The following ZMYM2 variants were observed in gnomAD, a reference collection of about 807,000 sequenced individuals.
The protein encoded by ZMYM2 is zinc finger MYM-type containing 2.
A neutral mutation model predicts 162.8 loss-of-function variants in ZMYM2; 56 were observed. The observed-to-expected ratio is 0.34, with a 90% CI of 0.28 to 0.43. The LOEUF (loss-of-function observed/expected upper bound fraction) is 0.43, where lower values mean the gene tolerates loss of function less well. Ranked by LOEUF, ZMYM2 falls within the 20% of genes least tolerant of loss-of-function variation. The pLI is 1.00. For synonymous variants in ZMYM2, 510 were observed against 541.6 expected (o/e 0.94, Z 0.81); for missense variants, 1,275 against 1,621.8 (o/e 0.79, Z 3.67).
Position 19,993,714 on chromosome 13 carries a change from T to G in ZMYM2, c.642T>G (p.Ile214Met). Reference sequence around the variant, plus strand: ...ACGGGCGAGATATGAACTTAATGATTACACATGTAACATCACTGCAGAATA... The same window carrying G: ...ACGGGCGAGATATGAACTTAATGATGACACATGTAACATCACTGCAGAATA... Reference protein sequence around the residue: ...NTDGRDMNLMITHVTSLQNTN... With the variant: ...NTDGRDMNLMMTHVTSLQNTN... Residue 214 changes from isoleucine (I) to methionine (M), a missense_variant, in exon 3 of 25, where the codon ATT (isoleucine) becomes ATG (methionine). Transcript: ENST00000610343. The G allele has an allele frequency of 6.2e-7, 1 of 1,614,000 alleles. No individual in the cohort carries two copies. Among genetic ancestry groups the G allele is most frequent in the Non-Finnish European group, 8.5e-7 (1 of 1,179,872 alleles).
At chr13:19,883,640 C>G in the ZMYM2 span, among the ~76,000 whole-genome samples, 1 of 152,066 alleles carries the variant, frequency 6.6e-6, no homozygotes, top group Admixed American at 6.5e-5. Flanking sequence ...TCCTTTTTGT[C>G]TTTTCAATTT....
At chr13:20,037,213 ATTTTTTTTT>A (rs754909177) in intron 12 of ZMYM2, among the ~76,000 whole-genome samples, 3 of 90,382 alleles carry the variant, frequency 3.3e-5, no homozygotes, top group African/African-American at 4.8e-5. Context: ...ACTAAGTAGA[ATTTTTTTTT>A]TTTTTTTTTT....
rs1217760575 is a variant in ZMYM2, at chr13:20,088,173, T to C, written c.*2159T>C. ...ATTGAGGATTTAGAGCTCTTGTCTT[T>C]GTCTTGATTGCAATCCAACGATAGA... On this transcript the variant is annotated 3_prime_UTR_variant, in exon 25 of 25. Transcript: ENST00000610343. 4.9e-6 allele frequency: 1 copy of C among 205,834 alleles called. No individual in the cohort carries two copies. Among genetic ancestry groups the C allele is most frequent in the Non-Finnish European group, 9.9e-6 (1 of 100,576 alleles). The allele number at this position is 205,834 out of a possible 1,614,324, so 12.8% of individuals were successfully genotyped here.
At chr13:19,992,974 T>A in intron 2 of ZMYM2, 89 bp from the exon 3 acceptor site, 1 of 1,388,414 alleles carries the variant, frequency 7.2e-7, no homozygotes, top group Non-Finnish European at 9.6e-7. Context: ...AAAAATAAAA[T>A]AAAAGTACCC....
chr13:19,948,037 A>T, the ZMYM2 span, among the ~76,000 whole-genome samples: 2 of 152,048 alleles, frequency 1.3e-5, no homozygotes, highest in African/African-American at 4.8e-5. Context: ...CATGATTATA[A>T]AGAAAACAAA....
intron 17 of ZMYM2, 144 bp downstream of exon 17, chr13:20,061,368 T>TACG: frequency 1.6e-6 from 1 of 644,208 alleles, no homozygotes; most frequent in South Asian, 3.1e-5. Context: ...GTTTTTTATA[T>TACG]TAAGAGATCT....
chr13:19,912,292 G>GTTTTTTTTTTTTTTTTTTTTTGGT, the ZMYM2 span, among the ~76,000 whole-genome samples: 2 of 75,712 alleles, frequency 2.6e-5, no homozygotes, highest in Admixed American at 1.6e-4. Flanking sequence ...TGTTTTTTGG[G>GTTTTTTTTTTTTTTTTTTTTTGGT]TTTTTTTTTT....
At chr13:19,949,939 AAG>A in the ZMYM2 span, among the ~76,000 whole-genome samples, 23 of 151,080 alleles carry the variant, frequency 1.5e-4, no homozygotes, top group East Asian at 2.9e-3. Flanking sequence ...GAGAGAAAAA[AAG>A]AAGGAAGAAA....
chr13:19,892,180 T>G, the ZMYM2 span, among the ~76,000 whole-genome samples: 2 of 151,972 alleles, frequency 1.3e-5, no homozygotes, highest in Non-Finnish European at 2.9e-5. Context: ...TGGGCTCAAG[T>G]GATCCTCCCA....
intron 12 of ZMYM2, among the ~76,000 whole-genome samples, chr13:20,039,275 C>G (rs1413559564): frequency 6.6e-6 from 1 of 152,028 alleles, no homozygotes; most frequent in African/African-American, 2.4e-5. Context: ...CTTTCTCTTT[C>G]GTGATTGCTC....
At chr13:19,987,020 G>A (rs1005647140) in intron 2 of ZMYM2, among the ~76,000 whole-genome samples, 20 of 144,440 alleles carry the variant, frequency 1.4e-4, no homozygotes, top group African/African-American at 3.8e-4. Context: ...CAGGAAAATT[G>A]CTTGAACCTG....
chr13:19,934,191 C>T, the ZMYM2 span, among the ~76,000 whole-genome samples: 101 of 152,108 alleles, frequency 6.6e-4, no homozygotes, highest in Non-Finnish European at 1.3e-3. Flanking sequence ...GACGTAGTCT[C>T]GATCTCTTGC....
chr13:19,935,786 A>G, the ZMYM2 span, among the ~76,000 whole-genome samples: 2 of 152,076 alleles, frequency 1.3e-5, no homozygotes, highest in African/African-American at 4.8e-5. Context: ...ATACAGAGTA[A>G]TATCCTGGGA....
At chr13:19,932,576 G>A in the ZMYM2 span, among the ~76,000 whole-genome samples, 15 of 152,016 alleles carry the variant, frequency 9.9e-5, no homozygotes, top group African/African-American at 3.1e-4. Context: ...AGCCTGGGAG[G>A]TGGAGGTTGC....
At position 20,005,082 on chromosome 13, in the gene ZMYM2, C is replaced by G; in HGVS notation, c.1142C>G (p.Thr381Ser). 6.2e-7 allele frequency: 1 copy of G among 1,602,914 alleles called. No homozygotes were observed. The highest frequency in any genetic ancestry group is 8.5e-7 in the Non-Finnish European group (1 of 1,176,520). Residue 381 changes from threonine (T) to serine (S), a missense_variant, in exon 5 of 25, where the codon ACT becomes AGT. By Grantham distance (58) the Thr-to-Ser change is moderately conservative. Transcript: ENST00000610343. ...TACCACTTATTTTTCAGAGATATAA[C>G]TACAATGAAAGGAACCATTGTTGCT... ...KLCVMCKKDI[T>S]TMKGTIVAQV...
At chr13:19,867,620 A>T in the ZMYM2 span, among the ~76,000 whole-genome samples, 2 of 152,062 alleles carry the variant, frequency 1.3e-5, no homozygotes, top group African/African-American at 4.8e-5. Flanking sequence ...CTCTAGAATC[A>T]GTAGGATGCT....
chr13:20,082,707 G>GA, intron 22 of ZMYM2, 74 bp from the exon 23 acceptor site: 2 of 1,258,730 alleles, frequency 1.6e-6, no homozygotes, highest in Non-Finnish European at 2.1e-6. Context: ...TAAATTAACT[G>GA]TGTCTGCTTC....
intron 7 of ZMYM2, among the ~76,000 whole-genome samples, chr13:20,021,639 C>T (rs1952117784): frequency 6.6e-6 from 1 of 152,064 alleles, no homozygotes; most frequent in Admixed American, 6.5e-5. Context: ...GAATCATCCC[C>T]CGTATTACAA....
chr13:20,056,982 A>G (rs1182751077), intron 14 of ZMYM2, among the ~76,000 whole-genome samples: 8 of 152,226 alleles, frequency 5.3e-5, no homozygotes, highest in African/African-American at 9.6e-5. Context: ...CACAAGAGCC[A>G]GTTCTACAAC....
Sources: gnomAD v4.1 joint callset for allele counts (sites outside exome capture counted in the v4.1 genomes callset) on GRCh38, gnomAD v4.1.1 for gene constraint, MANE v1.5 for transcripts, NCBI Gene and HGNC (gene_info 2026-07-23, HGNC 2026-07-21) for gene names.